The following PITPNC1 variants were observed in gnomAD, a reference collection of about 807,000 sequenced individuals.
The protein encoded by PITPNC1 is phosphatidylinositol transfer protein cytoplasmic 1.
PITPNC1 carries 18 observed loss-of-function variants against 44.7 expected under a neutral mutation model. That is an observed-to-expected ratio of 0.40 (90% CI 0.28 to 0.60). PITPNC1 has a LOEUF of 0.60. PITPNC1 is among the 20% of genes least tolerant of loss of function. The pLI, the probability that PITPNC1 is intolerant of heterozygous loss-of-function variation, is 0.39. For missense variants in PITPNC1, 290 were observed against 418.4 expected (o/e 0.69, Z 2.68); for synonymous variants, 141 against 149.6 (o/e 0.94, Z 0.42).
Position 67,378,068 on chromosome 17 carries a change from C to A in PITPNC1, c.-87C>A. The stretch of plus-strand genomic sequence containing the variant: ...CCGGCTCCGAGCGCCGGGCTCCGGG[C>A]GCCCTGCCCTGCGCCTGGGCAGCAG... On this transcript the variant is annotated 5_prime_UTR_variant, in exon 1 of 9. Coordinates refer to ENST00000581322, the MANE Select transcript of PITPNC1 (RefSeq NM_012417.4). The A allele has an allele frequency of 1.3e-6, 1 of 799,922 alleles. No individual in the cohort carries two copies. The highest frequency in any genetic ancestry group is 1.8e-6 in the Non-Finnish European group (1 of 553,736). 49.6% of individuals were successfully genotyped at this position (799,922 alleles called of 1,614,324 possible).
chr17:67,384,671 C>G (rs1462613469), intron 1 of PITPNC1, among the ~76,000 whole-genome samples: 2 of 152,030 alleles, frequency 1.3e-5, no homozygotes, highest in East Asian at 3.9e-4. Flanking sequence ...GTGATCTGCC[C>G]GCCTCGGCCT....
intron 5 of PITPNC1, among the ~76,000 whole-genome samples, chr17:67,616,030 A>G (rs1225239305): frequency 6.6e-6 from 1 of 152,204 alleles, no homozygotes; most frequent in Non-Finnish European, 1.5e-5. Flanking sequence ...GTAACTTAGA[A>G]GTGATTTTGT....
intron 5 of PITPNC1, among the ~76,000 whole-genome samples, chr17:67,621,180 C>CATTATTTT (rs1555573297): frequency 1.5e-5 from 2 of 129,774 alleles, no homozygotes; most frequent in East Asian, 4.5e-4. Context: ...GTCTGAAGCA[C>CATTATTTT]ATTTTATTTT....
At chr17:67,584,706 A>G (rs1313375113) in intron 5 of PITPNC1, among the ~76,000 whole-genome samples, 1 of 152,160 alleles carries the variant, frequency 6.6e-6, no homozygotes, top group Non-Finnish European at 1.5e-5. Context: ...TGATTTCCCA[A>G]TGAGACTCTG....
chr17:67,622,609 TG>T (rs2041848126), intron 5 of PITPNC1, among the ~76,000 whole-genome samples: 1 of 150,680 alleles, frequency 6.6e-6, no homozygotes, highest in African/African-American at 2.4e-5. Context: ...AACCATGAAC[TG>T]GCCAGGTGTG....
chr17:67,467,037 C>A (rs1432017487), intron 1 of PITPNC1, among the ~76,000 whole-genome samples: 1 of 150,960 alleles, frequency 6.6e-6, no homozygotes, highest in Admixed American at 6.6e-5. Context: ...TGAAAAGGGA[C>A]CTGAGCCAGT....
intron 1 of PITPNC1, among the ~76,000 whole-genome samples, chr17:67,416,165 A>G (rs1332690611): frequency 2.0e-5 from 3 of 146,772 alleles, no homozygotes; most frequent in Admixed American, 6.8e-5. Context: ...TTTTTTGTAC[A>G]TAAATTTAAA....
intron 1 of PITPNC1, among the ~76,000 whole-genome samples, chr17:67,486,536 A>G (rs191919388): frequency 1.3e-5 from 2 of 152,304 alleles, no homozygotes; most frequent in East Asian, 3.9e-4. Context: ...CATATGTTCC[A>G]TGGTTCCAGA....
intron 1 of PITPNC1, among the ~76,000 whole-genome samples, chr17:67,380,193 G>C (rs185665285): frequency 6.6e-6 from 1 of 151,888 alleles, no homozygotes; most frequent in Non-Finnish European, 1.5e-5. Flanking sequence ...TCCTGCCTCA[G>C]CCTCCTGAGT....
chr17:67,552,106 A>G (rs1462210557), intron 2 of PITPNC1, 151 bp from the exon 3 acceptor site: 2 of 614,114 alleles, frequency 3.3e-6, no homozygotes, highest in Non-Finnish European at 5.8e-6. Flanking sequence ...TAACTATGAC[A>G]AAGACCGAAG....
At chr17:67,665,744 C>T (rs2042412607) in intron 6 of PITPNC1, among the ~76,000 whole-genome samples, 1 of 152,202 alleles carries the variant, frequency 6.6e-6, no homozygotes, top group South Asian at 2.1e-4. Context: ...GATGTACCCA[C>T]CTGCCAGACC....
intron 1 of PITPNC1, among the ~76,000 whole-genome samples, chr17:67,449,864 C>T (rs1280393255): frequency 6.6e-6 from 1 of 152,116 alleles, no homozygotes; most frequent in Non-Finnish European, 1.5e-5. Flanking sequence ...TAAAAAAATT[C>T]TTTTTGCAGA....
At chr17:67,492,502 C>A (rs946862565) in intron 1 of PITPNC1, among the ~76,000 whole-genome samples, 14 of 152,134 alleles carry the variant, frequency 9.2e-5, no homozygotes, top group African/African-American at 3.4e-4. Flanking sequence ...CCTGCTGACA[C>A]CTTGATTTCT....
intron 6 of PITPNC1, among the ~76,000 whole-genome samples, chr17:67,654,260 G>A (rs1339304860): frequency 6.6e-6 from 1 of 152,070 alleles, no homozygotes; most frequent in African/African-American, 2.4e-5. Flanking sequence ...CCATACTTAC[G>A]GACACTGGCA....
At chr17:67,451,796 C>A (rs2039180971) in intron 1 of PITPNC1, among the ~76,000 whole-genome samples, 1 of 152,006 alleles carries the variant, frequency 6.6e-6, no homozygotes, top group Admixed American at 6.6e-5. Flanking sequence ...CCACATCACG[C>A]CTGGCTAATT....
intron 4 of PITPNC1, among the ~76,000 whole-genome samples, chr17:67,571,939 AG>A (rs1407585642): frequency 6.6e-6 from 1 of 152,214 alleles, no homozygotes; most frequent in East Asian, 1.9e-4. Flanking sequence ...AGGATTACAC[AG>A]GATGTGTGCA....
intron 1 of PITPNC1, among the ~76,000 whole-genome samples, chr17:67,473,904 A>AT (rs1304993230): frequency 6.6e-6 from 1 of 152,140 alleles, no homozygotes; most frequent in Non-Finnish European, 1.5e-5. Flanking sequence ...TTCTGCCTTT[A>AT]TTACATGGAA....
intron 5 of PITPNC1, among the ~76,000 whole-genome samples, chr17:67,622,486 T>C (rs2041845509): frequency 1.2e-5 from 1 of 81,146 alleles, no homozygotes. Flanking sequence ...CCCATAGAGA[T>C]GGTTTTCATC....
Position 67,578,254 on chromosome 17 carries a change from C to T in PITPNC1, c.363C>T (p.Asp121=). The change falls in exon 5 of 9, where the codon GAC becomes GAT. Residue 121 remains aspartate, a synonymous_variant. Coordinates refer to ENST00000581322, the MANE Select transcript of PITPNC1 (RefSeq NM_012417.4). The part of the protein sequence containing the change: ...TKYEDNKGSN[D]TIFDNEAKDV... ...ATGAGGACAACAAAGGAAGCAATGA[C>T]ACCGTGAGTAGCCCCTCCTTCCATG... 6.2e-7 allele frequency: 1 copy of T among 1,605,648 alleles called. No homozygotes were observed. Among genetic ancestry groups the T allele is most frequent in the Non-Finnish European group, 8.5e-7 (1 of 1,173,216 alleles).
Sources: gnomAD v4.1 joint callset for allele counts (sites outside exome capture counted in the v4.1 genomes callset) on GRCh38, gnomAD v4.1.1 for gene constraint, MANE v1.5 for transcripts, NCBI Gene and HGNC (gene_info 2026-07-23, HGNC 2026-07-21) for gene names.